Variants in MYLK observed in about 807,000 individuals in gnomAD.
The protein encoded by MYLK is myosin light chain kinase, smooth muscle.
Under a neutral mutation model 203.4 loss-of-function variants are expected in MYLK, and 106 were observed. That is an observed-to-expected ratio of 0.52 (90% CI 0.45 to 0.61). MYLK has a LOEUF of 0.61. MYLK is among the 20% of genes least tolerant of loss of function. The pLI is 0.00. For missense variants in MYLK, 2,072 were observed against 2,442.3 expected (o/e 0.85, Z 3.20); for synonymous variants, 867 against 959.5 (o/e 0.90, Z 1.78).
chr3:123,722,101 T>C, intron 13 of MYLK, 27 bp downstream of exon 13: 3 of 1,556,922 alleles, frequency 1.9e-6, no homozygotes, highest in Non-Finnish European at 2.6e-6. Flanking sequence ...GAAAGGTGCT[T>C]CTACCCAGGT....
chr3:123,667,092 T>A, intron 21 of MYLK, 45 bp downstream of exon 21: 9 of 1,588,676 alleles, frequency 5.7e-6, no homozygotes, highest in Non-Finnish European at 7.8e-6. Context: ...AAAACCCCCA[T>A]GGTAGATGAC....
At chr3:123,701,237 CAAAAA>C (rs35577296) in intron 17 of MYLK, among the ~76,000 whole-genome samples, 196 bp downstream of exon 17, 64 of 116,240 alleles carry the variant, frequency 5.5e-4, no homozygotes, top group Non-Finnish European at 5.9e-4. Flanking sequence ...AGGGTGTGTG[CAAAAA>C]AAAAAAAAAA....
intron 3 of MYLK, among the ~76,000 whole-genome samples, chr3:123,820,431 CAGA>C (rs1432616748): frequency 1.3e-5 from 2 of 152,194 alleles, no homozygotes; most frequent in Non-Finnish European, 2.9e-5. Context: ...CTGGTAGATA[CAGA>C]AGCAGTCATG....
intron 20 of MYLK, among the ~76,000 whole-genome samples, chr3:123,676,897 G>A (rs1304207013): frequency 6.6e-6 from 1 of 152,220 alleles, no homozygotes; most frequent in Non-Finnish European, 1.5e-5. Context: ...TATATAGACT[G>A]CTAGGAGGAA....
intron 20 of MYLK, among the ~76,000 whole-genome samples, chr3:123,677,925 A>ACACG (rs1376667369): frequency 7.0e-6 from 1 of 143,446 alleles, no homozygotes; most frequent in East Asian, 2.2e-4. Flanking sequence ...ATATACACAC[A>ACACG]CACACACACA....
At chr3:123,643,811 T>G (rs2108142632) in intron 27 of MYLK, among the ~76,000 whole-genome samples, 1 of 152,392 alleles carries the variant, frequency 6.6e-6, no homozygotes, top group Admixed American at 6.5e-5. Context: ...CTCGAGACCC[T>G]CCGCTCCTTG....
Position 123,733,975 on chromosome 3 carries a change from T to TC in MYLK, c.1020dup (p.Thr341AspfsTer60). On this transcript the variant is annotated frameshift_variant, in exon 10 of 34. Transcript: ENST00000360304. LOFTEE classifies it high-confidence loss of function. Reference sequence around the variant, plus strand: ...GCCTGCAGGGTGATGGAGCTGGAAGTCTTCTGAAGGACCGGGGTCTGCGGG... The same window carrying TC: ...GCCTGCAGGGTGATGGAGCTGGAAGTCCTTCTGAAGGACCGGGGTCTGCGGG... 2 of 1,614,110 alleles carry TC rather than the reference T, an allele frequency of 1.2e-6. No individual in the cohort carries two copies. The highest frequency in any genetic ancestry group is 4.5e-5 in the East Asian group (2 of 44,864).
intron 24 of MYLK, among the ~76,000 whole-genome samples, chr3:123,656,301 C>T (rs533655142): frequency 6.6e-6 from 1 of 152,324 alleles, no homozygotes; most frequent in East Asian, 1.9e-4. Flanking sequence ...TAGCAAATCC[C>T]TGCTTTTTCC....
chr3:123,618,851 A>AT, intron 32 of MYLK, 81 bp from the exon 33 acceptor site: 3 of 1,577,170 alleles, frequency 1.9e-6, no homozygotes, highest in Non-Finnish European at 2.6e-6. Context: ...ACTAACTTTT[A>AT]AAAAAGTTGC....
chr3:123,858,229 G>C (rs1033871793), intron 2 of MYLK, among the ~76,000 whole-genome samples: 1 of 152,170 alleles, frequency 6.6e-6, no homozygotes, highest in African/African-American at 2.4e-5. Context: ...AAAATGTGGA[G>C]TGCAGCTTGG....
intron 4 of MYLK, among the ~76,000 whole-genome samples, chr3:123,790,086 C>T (rs1209179691): frequency 1.3e-5 from 2 of 152,170 alleles, no homozygotes; most frequent in Non-Finnish European, 2.9e-5. Flanking sequence ...TGGTTCTTTT[C>T]ACTCTCTCCA....
intron 2 of MYLK, among the ~76,000 whole-genome samples, chr3:123,842,601 CA>C (rs11290697): frequency 0.84 from 127,130 of 152,212 alleles, 53,261 homozygotes; most frequent in East Asian, 0.96. Flanking sequence ...CAAGTCTCAA[CA>C]AATTCCAAAG....
At chr3:123,688,059 G>A (rs1265455907) in intron 19 of MYLK, among the ~76,000 whole-genome samples, 1 of 151,998 alleles carries the variant, frequency 6.6e-6, no homozygotes, top group Non-Finnish European at 1.5e-5. Flanking sequence ...CCATCTCACT[G>A]GAGTACTTCC....
intron 4 of MYLK, among the ~76,000 whole-genome samples, chr3:123,761,326 A>C (rs1414486189): frequency 6.6e-6 from 1 of 152,190 alleles, no homozygotes; most frequent in Non-Finnish European, 1.5e-5. Flanking sequence ...TTGTTTCAGA[A>C]TTTCTGATCT....
At chr3:123,793,262 T>C (rs950604041) in intron 4 of MYLK, among the ~76,000 whole-genome samples, 3 of 152,142 alleles carry the variant, frequency 2.0e-5, no homozygotes, top group African/African-American at 7.2e-5. Context: ...TACAAGAAGG[T>C]CGGCTAACTA....
intron 8 of MYLK, 143 bp downstream of exon 8, chr3:123,737,235 A>AG: frequency 1.0e-6 from 1 of 967,992 alleles, no homozygotes; most frequent in East Asian, 2.5e-5. Flanking sequence ...AAAAAAAAAA[A>AG]AAGACCTGCC....
intron 2 of MYLK, among the ~76,000 whole-genome samples, chr3:123,860,612 T>C (rs944473310): frequency 2.6e-5 from 4 of 152,146 alleles, no homozygotes; most frequent in Admixed American, 1.3e-4. Context: ...AAAAAAGCCC[T>C]GTCTGAGAAT....
intron 20 of MYLK, among the ~76,000 whole-genome samples, chr3:123,669,650 C>T (rs1434405860): frequency 6.6e-6 from 1 of 151,618 alleles, no homozygotes; most frequent in Non-Finnish European, 1.5e-5. Context: ...ATGGTATATA[C>T]ATATATATGT....
intron 29 of MYLK, among the ~76,000 whole-genome samples, chr3:123,632,679 AC>A (rs2058484771): frequency 6.6e-6 from 1 of 152,216 alleles, no homozygotes; most frequent in South Asian, 2.1e-4. Flanking sequence ...CAGCATGTTG[AC>A]AAAGAGGGTG....
Sources: gnomAD v4.1 joint callset for allele counts (sites outside exome capture counted in the v4.1 genomes callset) on GRCh38, gnomAD v4.1.1 for gene constraint, MANE v1.5 for transcripts, NCBI Gene and HGNC (gene_info 2026-07-23, HGNC 2026-07-21) for gene names.